The following AATK variants were observed in gnomAD, a reference collection of about 807,000 sequenced individuals.
AATK encodes serine/threonine-protein kinase LMTK1.
AATK carries 91 observed loss-of-function variants against 114.3 expected under a neutral mutation model. The observed-to-expected ratio is 0.80, with a 90% CI of 0.67 to 0.95. The LOEUF (loss-of-function observed/expected upper bound fraction) is 0.95. AATK is among the 40% of genes least tolerant of loss of function. The pLI, the probability that AATK is intolerant of heterozygous loss-of-function variation, is 0.00. For missense variants in AATK, 2,176 were observed against 1,965.2 expected (o/e 1.11, Z -2.03); for synonymous variants, 1,075 against 916.5 (o/e 1.17, Z -3.12).
Position 81,125,032 on chromosome 17 carries a change from GGCAGGGGCAGGGTGA to G in AATK, c.756-33_756-19del, listed in dbSNP as rs751931853. ...CCAGGTCGCTGCAGGCAGGGGCAGG[GGCAGGGGCAGGGTGA>G]GCAGGGTGAGCAGGGTGTGCCGGGT... On this transcript the variant is annotated intron_variant, in intron 7 of 13. Transcript: ENST00000326724. 80 of 1,435,232 alleles carry G rather than the reference GGCAGGGGCAGGGTGA, an allele frequency of 5.6e-5. No individual in the cohort carries two copies. Among genetic ancestry groups the G allele is most frequent in the Admixed American group, 1.7e-4 (7 of 41,046 alleles). 88.9% of individuals were successfully genotyped at this position (1,435,232 alleles called of 1,614,324 possible).
chr17:81,138,630 CAT>C (rs1453829670), intron 1 of AATK, among the ~76,000 whole-genome samples: 5 of 141,000 alleles, frequency 3.5e-5, no homozygotes, highest in East Asian at 2.3e-4. Flanking sequence ...TACCCACACA[CAT>C]ATCCACACAT....
intron 2 of AATK, among the ~76,000 whole-genome samples, chr17:81,133,930 G>C (rs1414939176): frequency 1.3e-5 from 2 of 152,170 alleles, no homozygotes; most frequent in Non-Finnish European, 2.9e-5. Context: ...AAGCTTGTCT[G>C]GGCAGCCCGG....
At position 81,120,446 on chromosome 17, in the gene AATK, C is replaced by A; in HGVS notation, c.3490G>T (p.Asp1164Tyr). ...TCAGACTCGTCGCTGTCCTCACTGT[C>A]CTCCTCCTCCTCCTCCGGCCGGCCC... ...LEGRPEEEEE[D>Y]SEDSDESDEE... The change falls in exon 11 of 14, where the codon GAC becomes TAC. Residue 1164 changes from aspartate to tyrosine, a missense_variant. Physicochemically the swap from Asp to Tyr is radical, Grantham distance 160. Coordinates refer to ENST00000326724, the MANE Select transcript of AATK (RefSeq NM_001080395.3). 6.6e-7 allele frequency: 1 copy of A among 1,516,118 alleles called. No homozygotes were observed. The highest frequency in any genetic ancestry group is 8.9e-7 in the Non-Finnish European group (1 of 1,124,910). The allele number at this position is 1,516,118 out of a possible 1,614,324, so 93.9% of individuals were successfully genotyped here. A position where few individuals can be genotyped will look rare whatever the true frequency, so the allele number is the denominator to read the frequency against.
rs371326600 is a variant in AATK at position 81,127,675 on chromosome 17, G to A, written c.534-5C>T. 252 of 1,579,924 alleles carry A rather than the reference G, an allele frequency of 1.6e-4. No individual in the cohort carries two copies. Among genetic ancestry groups the A allele is most frequent in the Non-Finnish European group, 2.0e-4 (228 of 1,163,568 alleles). On this transcript the variant is annotated splice_polypyrimidine_tract_variant and splice_region_variant and intron_variant, in intron 5 of 13. Transcript: ENST00000326724. Reference sequence around the variant, plus strand: ...AGGTTGCTGTGCTTCAGGGCCCTGCGGGAGTGGACAGGCGGCCCCTGACTT... The same window carrying A: ...AGGTTGCTGTGCTTCAGGGCCCTGCAGGAGTGGACAGGCGGCCCCTGACTT...
In AATK at chr17:81,120,432, G is replaced by GCTGTCCTCA. The variant is rs1393177193; in HGVS notation, c.3495_3503dup (p.Glu1166_Ser1168dup). The GCTGTCCTCA allele has an allele frequency of 1.3e-6, 2 of 1,577,952 alleles. No homozygotes were observed. The highest frequency in any genetic ancestry group is 2.3e-5 in the East Asian group (1 of 43,498). ...AGCGGAGCTCCTCGTCAGACTCGTC[G>GCTGTCCTCA]CTGTCCTCACTGTCCTCCTCCTCCT... On this transcript the variant is annotated inframe_insertion, in exon 11 of 14. Transcript: ENST00000326724.
At chr17:81,161,962 G>T (rs770280275) in intron 1 of AATK, among the ~76,000 whole-genome samples, 16 of 152,156 alleles carry the variant, frequency 1.1e-4, no homozygotes, top group Non-Finnish European at 8.8e-5. Flanking sequence ...CGGTCCTCTG[G>T]GTCACTGCAC....
intron 7 of AATK, chr17:81,125,407 A>T: frequency 2.0e-6 from 1 of 509,478 alleles, no homozygotes; most frequent in Non-Finnish European, 4.1e-6. Flanking sequence ...GTGGGAATTG[A>T]TGGGGAAACT....
At chr17:81,152,401 C>T (rs2061310307) in intron 1 of AATK, among the ~76,000 whole-genome samples, 1 of 152,148 alleles carries the variant, frequency 6.6e-6, no homozygotes, top group Non-Finnish European at 1.5e-5. Context: ...ACCTGGACAA[C>T]ATAATGAGAC....
At chr17:81,128,633 G>C in intron 3 of AATK, 84 bp from the exon 4 acceptor site, 1 of 1,534,664 alleles carries the variant, frequency 6.5e-7, no homozygotes, top group Non-Finnish European at 8.8e-7. Context: ...GGGGCTGCCC[G>C]CTTGGCCTTT....
intron 1 of AATK, among the ~76,000 whole-genome samples, chr17:81,157,558 T>C (rs1056671311): frequency 6.6e-6 from 1 of 152,072 alleles, no homozygotes; most frequent in African/African-American, 2.4e-5. Flanking sequence ...CAGCCAACCC[T>C]GCAATCAAAC....
chr17:81,127,522 C>T, intron 6 of AATK, 61 bp downstream of exon 6: 2 of 1,506,184 alleles, frequency 1.3e-6, no homozygotes, highest in Non-Finnish European at 9.0e-7. Flanking sequence ...CAGACACTGG[C>T]AGGGCAAGGG....
chr17:81,165,463 C>T (rs934104727), intron 1 of AATK: 15 of 393,296 alleles, frequency 3.8e-5, no homozygotes, highest in African/African-American at 2.9e-4. Flanking sequence ...CCCCTGCTCC[C>T]CCCACATCCC....
intron 1 of AATK, among the ~76,000 whole-genome samples, chr17:81,159,401 C>T (rs2061404180): frequency 6.6e-6 from 1 of 152,228 alleles, no homozygotes; most frequent in South Asian, 2.1e-4. Flanking sequence ...GGGGGCTGGG[C>T]GTGCTGCCGC....
In AATK at chr17:81,165,905, A is replaced by G. The variant is rs777123576; in HGVS notation, c.55+33T>C. The G allele has an allele frequency of 1.9e-6, 3 of 1,563,332 alleles. No individual in the cohort carries two copies. In the Admixed American group the frequency reaches 5.7e-5, roughly 30 times the overall value. On this transcript the variant is annotated intron_variant, in intron 1 of 13. Transcript: ENST00000326724. The stretch of plus-strand genomic sequence containing the variant: ...CATCACGTCCGCAGCGGAGGGAGGC[A>G]GCGGCGCGCAGGCCGGGCCGCCAGG...
intron 1 of AATK, among the ~76,000 whole-genome samples, chr17:81,138,674 C>A (rs1374489155): frequency 6.6e-6 from 1 of 151,650 alleles, no homozygotes; most frequent in African/African-American, 2.4e-5. Context: ...TCCATACATG[C>A]ACACCCACCC....
At chr17:81,160,225 C>G (rs2061414045) in intron 1 of AATK, 1 of 983,690 alleles carries the variant, frequency 1.0e-6, no homozygotes, top group African/African-American at 1.7e-5. Flanking sequence ...CTCCCAGAAA[C>G]CCCCACGTAC....
At chr17:81,128,149 TC>T (rs1319612499) in intron 4 of AATK, among the ~76,000 whole-genome samples, 29 of 151,986 alleles carry the variant, frequency 1.9e-4, no homozygotes, top group African/African-American at 7.0e-4. Context: ...CTGCCCTCTC[TC>T]TCTCTCTCTC....
At chr17:81,128,001 C>G in intron 4 of AATK, 91 bp from the exon 5 acceptor site, 1 of 1,474,424 alleles carries the variant, frequency 6.8e-7, no homozygotes. Flanking sequence ...CCCACGCCGG[C>G]CCCCAGGACA....
rs766387357 is a variant in AATK at position 81,122,040 on chromosome 17, G to A, written c.1896C>T (p.Ala632=). Reference sequence around the variant, plus strand: ...CCTCGAAGAAGGCAGGACAGAAGGCGGCCACGCCCCAGTCTGCATCCTCCG... The same window carrying A: ...CCTCGAAGAAGGCAGGACAGAAGGCAGCCACGCCCCAGTCTGCATCCTCCG... ...GGAEDADWGV[A]AFCPAFFEDP... The change falls in exon 11 of 14, where the codon GCC becomes GCT. Residue 632 remains alanine (A), a synonymous_variant. Transcript: ENST00000326724. 16 of 1,598,412 alleles carry A rather than the reference G, an allele frequency of 1.0e-5. No individual in the cohort carries two copies. The highest frequency in any genetic ancestry group is 6.7e-5 in the East Asian group (3 of 44,806).
Sources: gnomAD v4.1 joint callset for allele counts (sites outside exome capture counted in the v4.1 genomes callset) on GRCh38, gnomAD v4.1.1 for gene constraint, MANE v1.5 for transcripts, NCBI Gene and HGNC (gene_info 2026-07-23, HGNC 2026-07-21) for gene names.